ARL2: variants seen among roughly 807,000 people sequenced by gnomAD.
The protein encoded by ARL2 is ARF like GTPase 2.
A neutral mutation model predicts 22.0 loss-of-function variants in ARL2; 11 were observed. That is an observed-to-expected ratio of 0.50 (90% CI 0.31 to 0.83). The LOEUF (loss-of-function observed/expected upper bound fraction) is 0.83, where lower values mean the gene tolerates loss of function less well. ARL2 is among the 40% of genes least tolerant of loss of function. The probability of loss-of-function intolerance (pLI) is 0.04; values close to 1 mark genes in which losing one functional copy is unlikely to be tolerated. For missense variants in ARL2, 216 were observed against 243.2 expected (o/e 0.89, Z 0.74); for synonymous variants, 111 against 100.8 (o/e 1.10, Z -0.61).
At chr11:65,016,654 T>C (rs1381624051) in intron 1 of ARL2, among the ~76,000 whole-genome samples, 2 of 151,886 alleles carry the variant, frequency 1.3e-5, no homozygotes, top group Non-Finnish European at 1.5e-5. Context: ...TGTGTGTGCC[T>C]GTGTGTGCCA....
At chr11:65,016,697 C>T (rs1406671262) in intron 1 of ARL2, among the ~76,000 whole-genome samples, 1 of 151,792 alleles carries the variant, frequency 6.6e-6, no homozygotes, top group Admixed American at 6.6e-5. Flanking sequence ...CCAGAAGTGT[C>T]AGGCAGGCAG....
chr11:65,017,308 G>T (rs949974895), intron 1 of ARL2, among the ~76,000 whole-genome samples: 8 of 151,364 alleles, frequency 5.3e-5, no homozygotes, highest in African/African-American at 1.9e-4. Context: ...CAATTCTCCT[G>T]TCTCAGCCTC....
chr11:65,021,737 C>G lies in ARL2; in HGVS notation c.437C>G (p.Ser146Cys). Reference sequence around the variant, plus strand: ...TCCTCCCAGGTCCTGGAGCTGGACTCCATCCGCAGCCACCACTGGTGCATC... The same window carrying G: ...TCCTCCCAGGTCCTGGAGCTGGACTGCATCCGCAGCCACCACTGGTGCATC... ...NAIREVLELDSIRSHHWCIQG... is the reference protein window; with the variant it reads ...NAIREVLELDCIRSHHWCIQG... The change falls in exon 5 of 5, where the codon TCC becomes TGC. Residue 146 changes from serine to cysteine, a missense_variant. Ser to Cys is a moderately radical substitution (Grantham distance 112). Transcript: ENST00000246747. 6.2e-7 allele frequency: 1 copy of G among 1,606,280 alleles called. No individual in the cohort carries two copies. The highest frequency in any genetic ancestry group is 8.5e-7 in the Non-Finnish European group (1 of 1,176,902).
Position 65,022,181 on chromosome 11 carries a change from C to T in ARL2, c.*326C>T. The T allele has an allele frequency of 3.1e-6, 1 of 318,992 alleles. No individual in the cohort carries two copies. 19.8% of individuals were successfully genotyped at this position (318,992 alleles called of 1,614,324 possible). A position where few individuals can be genotyped will look rare whatever the true frequency, so the allele number is the denominator to read the frequency against. ...GTTGTGAAATAAACCGCTCCTTGCC[C>T]CGATTCCTGGCTGAGTCATTTGTTG... On this transcript the variant is annotated 3_prime_UTR_variant, in exon 5 of 5. Transcript: ENST00000246747.
At chr11:65,019,857 A>T (rs1440954787) in intron 3 of ARL2, among the ~76,000 whole-genome samples, 1 of 152,278 alleles carries the variant, frequency 6.6e-6, no homozygotes, top group East Asian at 1.9e-4. Context: ...CACATCTCCT[A>T]TGTGGGTGGA....
rs112166431 is a variant in ARL2 at position 65,014,198 on chromosome 11, T to C, written c.-10T>C. ...GAAGAAACGGCGGCCGGGAGGGGGC[T>C]CCGGGGACCATGGGGCTCCTGACCA... On this transcript the variant is annotated 5_prime_UTR_variant, in exon 1 of 5. Coordinates refer to ENST00000246747, the MANE Select transcript of ARL2 (RefSeq NM_001667.4). 5.4e-5 allele frequency: 85 copies of C among 1,562,458 alleles called. No homozygotes were observed. Among genetic ancestry groups the C allele is most frequent in the Middle Eastern group, 3.4e-4 (2 of 5,942 alleles).
At chr11:65,020,774 CAGG>C (rs1408670719) in intron 4 of ARL2, among the ~76,000 whole-genome samples, 1 of 149,368 alleles carries the variant, frequency 6.7e-6, no homozygotes, top group Non-Finnish European at 1.5e-5. Context: ...GAGGCTGAGA[CAGG>C]AGAATCGCTT....
chr11:65,020,889 AAG>A (rs1397093143), intron 4 of ARL2, among the ~76,000 whole-genome samples: 1 of 152,010 alleles, frequency 6.6e-6, no homozygotes, highest in Non-Finnish European at 1.5e-5. Flanking sequence ...AAAAAAAAGA[AAG>A]AAGTAAAATA....
At position 65,018,715 on chromosome 11, in the gene ARL2, G is replaced by C; in HGVS notation, c.321G>C (p.Gln107His). ...TGCAGGACTGCCAGCGGGAGCTCCA[G>C]AGCCTGCTGGTGGAGGAGGTGGGCA... ...QRMQDCQREL[Q>H]SLLVEERLAG... Residue 107 changes from glutamine to histidine, a missense_variant, in exon 3 of 5, where the codon CAG (glutamine) becomes CAC (histidine). Gln to His is a conservative substitution (Grantham distance 24, BLOSUM62 0). Coordinates refer to ENST00000246747, the MANE Select transcript of ARL2 (RefSeq NM_001667.4). This position sits in a 1 kb window ranked among gnomAD's most constrained non-coding sequence, Gnocchi z 4.2. 1 of 1,614,164 alleles carries C rather than the reference G, an allele frequency of 6.2e-7. No individual in the cohort carries two copies. Among genetic ancestry groups the C allele is most frequent in the South Asian group, 1.1e-5 (1 of 91,082 alleles).
At position 65,018,871 on chromosome 11, in the gene ARL2, C is replaced by T. The variant is rs760627312; in HGVS notation, c.339+138C>T. ...CTCTGGGCCCCCACCATGGGAGGCC[C>T]ATGGTGCCAGAGGCAGGACACATGC... On this transcript the variant is annotated intron_variant, in intron 3 of 4. Transcript: ENST00000246747. This position sits in a 1 kb window ranked among gnomAD's most constrained non-coding sequence, Gnocchi z 4.2. 2 of 1,537,402 alleles carry T rather than the reference C, an allele frequency of 1.3e-6. No individual in the cohort carries two copies. The highest frequency in any genetic ancestry group is 1.7e-4 in the Middle Eastern group (1 of 5,988).
rs1285447746 is a variant in ARL2 at position 65,018,793 on chromosome 11, GC to G, written c.339+63del. ...ACGTGTGGCTGCCTTCTCAGCAGATGCCCAGAGGGGCCCGTGGCCCCAGAGG... is the reference window on the plus strand; with the variant it reads ...ACGTGTGGCTGCCTTCTCAGCAGATGCCAGAGGGGCCCGTGGCCCCAGAGG... On this transcript the variant is annotated intron_variant, in intron 3 of 4. Transcript: ENST00000246747. This position sits in a 1 kb window ranked among gnomAD's most constrained non-coding sequence, Gnocchi z 4.2. 4 of 1,599,096 alleles carry G rather than the reference GC, an allele frequency of 2.5e-6. No individual in the cohort carries two copies. Among genetic ancestry groups the G allele is most frequent in the Admixed American group, 1.7e-5 (1 of 58,338 alleles).
rs2271540 is a variant in ARL2 at position 65,021,968 on chromosome 11, C to A, written c.*113C>A. 440 of 1,427,182 alleles carry A rather than the reference C, an allele frequency of 3.1e-4. 5 individuals carry two copies. In the East Asian group the frequency reaches 0.011, roughly 35 times the overall value. 88.4% of individuals were successfully genotyped at this position (1,427,182 alleles called of 1,614,324 possible). On this transcript the variant is annotated 3_prime_UTR_variant, in exon 5 of 5. Transcript: ENST00000246747. ...AACTAACACTCCCCCTCCTCCACCCCAGCCTGCTGCTGCTACTGCTGCCCG... is the reference window on the plus strand; with the variant it reads ...AACTAACACTCCCCCTCCTCCACCCAAGCCTGCTGCTGCTACTGCTGCCCG...
At chr11:65,020,897 AAAT>A (rs1457080704) in intron 4 of ARL2, among the ~76,000 whole-genome samples, 3 of 152,050 alleles carry the variant, frequency 2.0e-5, no homozygotes, top group Middle Eastern at 3.2e-3. Flanking sequence ...GAAAGAAGTA[AAAT>A]AATAATAAGA....
intron 4 of ARL2, among the ~76,000 whole-genome samples, chr11:65,020,906 T>G (rs902662360): frequency 1.3e-5 from 2 of 149,122 alleles, no homozygotes; most frequent in African/African-American, 2.5e-5. Flanking sequence ...AAAATAATAA[T>G]AAGAAAAGCA....
intron 1 of ARL2, among the ~76,000 whole-genome samples, chr11:65,016,200 T>C (rs1368224272): frequency 2.5e-5 from 1 of 39,732 alleles, no homozygotes; most frequent in Admixed American, 2.8e-4. Context: ...AGAGCGAAAC[T>C]CTGTTAAAAA....
chr11:65,018,432 C>G lies in ARL2; in HGVS notation c.134C>G (p.Ser45Cys). 1 of 1,609,556 alleles carries G rather than the reference C, an allele frequency of 6.2e-7. No homozygotes were observed. The highest frequency in any genetic ancestry group is 8.5e-7 in the Non-Finnish European group (1 of 1,178,260). The change falls in exon 2 of 5, where the codon TCC becomes TGC. Residue 45 changes from serine to cysteine, a missense_variant. Physicochemically the swap from Ser to Cys is moderately radical, Grantham distance 112. Coordinates refer to ENST00000246747, the MANE Select transcript of ARL2 (RefSeq NM_001667.4). This position sits in a 1 kb window ranked among gnomAD's most constrained non-coding sequence, Gnocchi z 4.2. The stretch of plus-strand genomic sequence containing the variant: ...AATGGGGAGGACATCGACACCATCT[C>G]CCCAACGCTGGGCTTCAACATCAAG... Reference protein sequence around the residue: ...KFNGEDIDTISPTLGFNIKTL... With the variant: ...KFNGEDIDTICPTLGFNIKTL...
At chr11:65,019,541 CA>C (rs539887867) in intron 3 of ARL2, 207 of 139,014 alleles carry the variant, frequency 1.5e-3, no homozygotes, top group Middle Eastern at 3.6e-3. Flanking sequence ...GACTCCGTCT[CA>C]AAAAAAAAAA....
chr11:65,016,985 A>G (rs1946264734), intron 1 of ARL2, among the ~76,000 whole-genome samples: 1 of 152,152 alleles, frequency 6.6e-6, no homozygotes, highest in Non-Finnish European at 1.5e-5. Context: ...CTGTCCCAGC[A>G]CTAGAGGGCC....
intron 1 of ARL2, among the ~76,000 whole-genome samples, chr11:65,017,234 C>T (rs529482769): frequency 6.6e-6 from 1 of 150,988 alleles, no homozygotes; most frequent in African/African-American, 2.4e-5. Flanking sequence ...CTCGCTGAGT[C>T]GCCCAGGCTG....
Sources: allele counts gnomAD v4.1 joint callset (sites outside exome capture counted in the v4.1 genomes callset), GRCh38; gene constraint gnomAD v4.1.1; non-coding constraint Gnocchi (gnomAD v3.1); transcripts MANE v1.5; gene names NCBI Gene and HGNC (gene_info 2026-07-23, HGNC 2026-07-21).